Variants in AGBL1 observed in about 807,000 individuals in gnomAD.
The protein encoded by AGBL1 is AGBL carboxypeptidase 1, also known as cytosolic carboxypeptidase 4.
Under a neutral mutation model 118.9 loss-of-function variants are expected in AGBL1, and 130 were observed. The ratio of observed to expected loss-of-function variants is 1.09; its 90% CI spans 0.95 to 1.26. The LOEUF is 1.26. AGBL1 is among the 50% of genes most tolerant of loss of function. The probability of loss-of-function intolerance (pLI) is 0.00; values close to 1 mark genes in which losing one functional copy is unlikely to be tolerated. For missense variants in AGBL1, 1,584 were observed against 1,298.1 expected, an observed-to-expected ratio of 1.22 and a Z score of -3.38; for synonymous variants, 555 against 478.9, an observed-to-expected ratio of 1.16 and a Z score of -2.08.
chr15:86,998,138 C>T (rs1227120474), intron 24 of AGBL1, among the ~76,000 whole-genome samples: 1 of 152,058 alleles, frequency 6.6e-6, no homozygotes, highest in Admixed American at 6.6e-5. Flanking sequence ...GATATATTTG[C>T]TTTGTGTAAT....
intron 18 of AGBL1, among the ~76,000 whole-genome samples, chr15:86,417,397 T>C (rs2081710724): frequency 6.6e-6 from 1 of 152,208 alleles, no homozygotes; most frequent in Non-Finnish European, 1.5e-5. Context: ...TATTTTTGGA[T>C]CTCTCCATCA....
chr15:86,910,234 C>T lies in AGBL1; in HGVS notation c.*2940C>T, dbSNP rs1179285306. 1 of 152,154 alleles carries T rather than the reference C, an allele frequency of 6.6e-6. No homozygotes were observed. The highest frequency in any genetic ancestry group is 1.5e-5 in the Non-Finnish European group (1 of 68,038). The allele number at this position is 152,154 out of a possible 1,614,324, so 9.4% of individuals were successfully genotyped here. A position where few individuals can be genotyped will look rare whatever the true frequency, so the allele number is the denominator to read the frequency against. The stretch of plus-strand genomic sequence containing the variant: ...TTTTCAAGTATAAAGGGAGAAAAGA[C>T]ATGCGAAGGAGTGGAAAGATTTTGT... On this transcript the variant is annotated 3_prime_UTR_variant, in exon 23 of 23. Transcript: ENST00000614907.
chr15:86,375,710 T>C (rs2081033721), intron 17 of AGBL1, among the ~76,000 whole-genome samples: 1 of 152,222 alleles, frequency 6.6e-6, no homozygotes, highest in Admixed American at 6.5e-5. Flanking sequence ...CAGTCTCTTG[T>C]GTAGCCCTTA....
chr15:86,469,352 C>T (rs1452676240), intron 18 of AGBL1, among the ~76,000 whole-genome samples: 1 of 152,146 alleles, frequency 6.6e-6, no homozygotes, highest in East Asian at 1.9e-4. Flanking sequence ...TATTTATATG[C>T]ACAGCTTATT....
intron 18 of AGBL1, among the ~76,000 whole-genome samples, chr15:86,458,277 AT>A: frequency 6.6e-6 from 1 of 152,184 alleles, no homozygotes; most frequent in African/African-American, 2.4e-5. Flanking sequence ...AACTATAATA[AT>A]TTTATTATAT....
rs116962539 is a variant in AGBL1 at position 86,125,056 on chromosome 15, T to C, written c.52-16948T>C. ...GAGGGGCTCTCTGCTTGTGCTTGTC[T>C]AGCCAACCCACATCCACTTTGTGAG... is the stretch of plus-strand genomic sequence containing the variant. On this transcript the variant is annotated intron_variant, in intron 1 of 22. Coordinates refer to ENST00000614907, the MANE Select transcript of AGBL1 (RefSeq NM_001386094.1). Among the ~76,000 whole-genome samples the C allele has an allele frequency of 8.7e-3, 1,321 of 152,358 alleles. 11 individuals carry two copies. The highest frequency in any genetic ancestry group is 0.019 in the South Asian group (94 of 4,830).
At chr15:86,577,383 C>T (rs1434537390) in intron 21 of AGBL1, among the ~76,000 whole-genome samples, 1 of 152,032 alleles carries the variant, frequency 6.6e-6, no homozygotes, top group African/African-American at 2.4e-5. Flanking sequence ...CAAGAGGTGA[C>T]TTGGGTGCTG....
At chr15:86,214,280 C>T (rs557991525) in intron 5 of AGBL1, among the ~76,000 whole-genome samples, 1 of 152,224 alleles carries the variant, frequency 6.6e-6, no homozygotes, top group East Asian at 1.9e-4. Flanking sequence ...TTTGTGCTGC[C>T]AGATATTTCA....
chr15:86,361,797 T>A lies in AGBL1; in HGVS notation c.2375-35569T>A, dbSNP rs367594250. Among the ~76,000 whole-genome samples the A allele has an allele frequency of 3.3e-5, 5 of 152,310 alleles. No individual in the cohort carries two copies. The East Asian group carries it at 5.8e-4, about 18-fold the overall frequency. ...GTTTGGGTTACTTTCACATGGAATA[T>A]CTTTTTCTACCCCTTAACTTTTAGC... On this transcript the variant is annotated intron_variant, in intron 17 of 22. Coordinates refer to ENST00000614907, the MANE Select transcript of AGBL1 (RefSeq NM_001386094.1).
intron 22 of AGBL1, among the ~76,000 whole-genome samples, chr15:86,902,329 A>G (rs1437518701): frequency 2.6e-5 from 4 of 152,166 alleles, no homozygotes; most frequent in South Asian, 4.1e-4. Flanking sequence ...ATATCTCATT[A>G]TAGTCTTAAT....
At chr15:86,300,455 T>C (rs942846290) in intron 17 of AGBL1, among the ~76,000 whole-genome samples, 1 of 152,208 alleles carries the variant, frequency 6.6e-6, no homozygotes, top group African/African-American at 2.4e-5. Context: ...TGTGGGAATT[T>C]TCTGAGGGAA....
chr15:86,446,825 T>C lies in AGBL1; in HGVS notation c.2555+49279T>C, dbSNP rs151154698. Among the ~76,000 whole-genome samples, 76 of 152,326 alleles carry C rather than the reference T, an allele frequency of 5.0e-4. 1 individual carries two copies. Among genetic ancestry groups the C allele is most frequent in the East Asian group, 4.4e-3 (23 of 5,190 alleles). On this transcript the variant is annotated intron_variant, in intron 18 of 22. Transcript: ENST00000614907. ...TGCAATTTTGAAAATAATTACACTGTTATATTTACAGAGTTAGTTTCCTTG... is the reference window on the plus strand; with the variant it reads ...TGCAATTTTGAAAATAATTACACTGCTATATTTACAGAGTTAGTTTCCTTG...
intron 23 of AGBL1, among the ~76,000 whole-genome samples, chr15:86,978,448 A>T (rs1278445990): frequency 6.6e-6 from 1 of 152,218 alleles, no homozygotes. Context: ...CTTCTGGGAA[A>T]TGTCTATGAG....
chr15:86,735,356 C>G (rs1344492658), intron 22 of AGBL1, among the ~76,000 whole-genome samples: 1 of 152,014 alleles, frequency 6.6e-6, no homozygotes, highest in Non-Finnish European at 1.5e-5. Context: ...GCTGGGATTA[C>G]AGGCATGAGG....
rs1226101299 is a variant in AGBL1, at chr15:86,997,275, A to G, written c.3323+9187A>G. On this transcript the variant is annotated intron_variant, in intron 24 of 24. Coordinates refer to the AGBL1 transcript ENST00000441037. ...TCAGAGATAACCAAATGCATGGCCA[A>G]CTTCCCTAATTACAGTCACCAGGTC... is the stretch of plus-strand genomic sequence containing the variant. Among the ~76,000 whole-genome samples the G allele has an allele frequency of 2.6e-5, 4 of 152,222 alleles. No individual in the cohort carries two copies. In the East Asian group the frequency reaches 7.8e-4, roughly 30 times the overall value.
rs148884802 is a variant in AGBL1, at chr15:86,851,402, A to G, written c.3159-55685A>G. Among the ~76,000 whole-genome samples, 499 of 152,228 alleles carry G rather than the reference A, an allele frequency of 3.3e-3. 4 individuals carry two copies. Among genetic ancestry groups the G allele is most frequent in the African/African-American group, 0.011 (472 of 41,544 alleles). ...ACAGTTTTGATGGGGGCAAACAGTG[A>G]GGACAGAAAGGTCCATCACCTGGTC... On this transcript the variant is annotated intron_variant, in intron 22 of 22. Coordinates refer to ENST00000614907, the MANE Select transcript of AGBL1 (RefSeq NM_001386094.1).
chr15:86,519,766 A>T (rs2083163843), intron 18 of AGBL1, among the ~76,000 whole-genome samples: 1 of 152,128 alleles, frequency 6.6e-6, no homozygotes, highest in Admixed American at 6.5e-5. Context: ...CATTGCCTCT[A>T]CCTCCAAAAC....
intron 23 of AGBL1, among the ~76,000 whole-genome samples, chr15:86,972,785 A>G (rs927100430): frequency 5.9e-5 from 9 of 152,068 alleles, no homozygotes; most frequent in Non-Finnish European, 1.5e-5. Flanking sequence ...ATTGTATGCT[A>G]ATCTATTGCA....
At chr15:86,664,492 T>C (rs1180666130) in intron 21 of AGBL1, among the ~76,000 whole-genome samples, 3 of 152,172 alleles carry the variant, frequency 2.0e-5, no homozygotes, top group African/African-American at 7.2e-5. Flanking sequence ...CAAAAGTCAC[T>C]GTCTTTCAAC....
Sources: allele counts gnomAD v4.1 joint callset (sites outside exome capture counted in the v4.1 genomes callset), GRCh38; gene constraint gnomAD v4.1.1; transcripts MANE v1.5; gene names NCBI Gene and HGNC (gene_info 2026-07-23, HGNC 2026-07-21).